CDKN3: variants seen among roughly 807,000 people sequenced by gnomAD.
CDKN3 encodes the protein cyclin-dependent kinase inhibitor 3.
In CDKN3, 19 loss-of-function variants were observed where a neutral mutation model predicts 36.1. The observed-to-expected ratio is 0.53, with a 90% CI of 0.37 to 0.77. The LOEUF is 0.77. CDKN3 is among the 30% of genes least tolerant of loss of function. The pLI is 0.00. For missense variants in CDKN3, 188 were observed against 248.6 expected (o/e 0.76, Z 1.64); for synonymous variants, 71 against 85.3 (o/e 0.83, Z 0.92).
intron 2 of CDKN3, among the ~76,000 whole-genome samples, chr14:54,400,971 A>G (rs1029068731): frequency 1.3e-5 from 2 of 152,258 alleles, no homozygotes; most frequent in Non-Finnish European, 2.9e-5. Context: ...AATGTAGAAT[A>G]AATGCTGGGG....
chr14:54,411,731 T>C, intron 5 of CDKN3, 25 bp downstream of exon 5: 1 of 1,322,960 alleles, frequency 7.6e-7, no homozygotes, highest in East Asian at 2.3e-5. Flanking sequence ...CCATACACTA[T>C]GTGAGAAATG....
At chr14:54,400,131 G>T (rs1313805847) in intron 2 of CDKN3, among the ~76,000 whole-genome samples, 155 bp downstream of exon 2, 1 of 150,250 alleles carries the variant, frequency 6.7e-6, no homozygotes, top group Non-Finnish European at 1.5e-5. Flanking sequence ...ATCATTAAAG[G>T]ATCTTCTAAC....
chr14:54,412,696 G>A (rs534516498), intron 5 of CDKN3: 11 of 331,740 alleles, frequency 3.3e-5, no homozygotes, highest in South Asian at 1.2e-4. Flanking sequence ...TCAAAGGGGC[G>A]ATGTGGATAA....
At chr14:54,419,524 T>C (rs1285020569) in intron 7 of CDKN3, among the ~76,000 whole-genome samples, 4 of 152,236 alleles carry the variant, frequency 2.6e-5, no homozygotes, top group Admixed American at 2.6e-4. Context: ...AAATATTGTC[T>C]ATGAAAATTA....
At chr14:54,408,427 C>A in intron 3 of CDKN3, 1 of 242,766 alleles carries the variant, frequency 4.1e-6, no homozygotes. Flanking sequence ...TCAGCCCTTC[C>A]AGATCTGCAG....
intron 5 of CDKN3, chr14:54,413,562 C>T: frequency 7.4e-7 from 1 of 1,348,190 alleles, no homozygotes; most frequent in Non-Finnish European, 1.0e-6. Flanking sequence ...TTCAGTCTCC[C>T]ATAAAATAAA....
At chr14:54,413,871 T>C in intron 5 of CDKN3, 1 of 1,330,862 alleles carries the variant, frequency 7.5e-7, no homozygotes, top group Non-Finnish European at 9.7e-7. Context: ...ACAAACCAGG[T>C]AGCTGAAAAC....
chr14:54,401,765 A>G (rs1234685301), intron 3 of CDKN3, among the ~76,000 whole-genome samples, 186 bp downstream of exon 3: 1 of 152,136 alleles, frequency 6.6e-6, no homozygotes, highest in African/African-American at 2.4e-5. Context: ...GAAGTCTTTT[A>G]TCCTTCATCC....
rs1460398580 is a variant in CDKN3, at chr14:54,419,978, T to C, written c.553-14T>C. On this transcript the variant is annotated splice_polypyrimidine_tract_variant and intron_variant, in intron 7 of 7. Transcript: ENST00000335183. Reference sequence around the variant, plus strand: ...TTTCTACAGTGTATTCCAATGTATCTTTACTTTTTTCAGCAATACAATTAT... The same window carrying C: ...TTTCTACAGTGTATTCCAATGTATCCTTACTTTTTTCAGCAATACAATTAT... 3.3e-6 allele frequency: 5 copies of C among 1,522,520 alleles called. No homozygotes were observed. The highest frequency in any genetic ancestry group is 1.7e-4 in the Middle Eastern group (1 of 5,748). The allele number at this position is 1,522,520 out of a possible 1,614,324, so 94.3% of individuals were successfully genotyped here. A position where few individuals can be genotyped will look rare whatever the true frequency, so the allele number is the denominator to read the frequency against.
chr14:54,407,378 G>A (rs2030197899), intron 3 of CDKN3, among the ~76,000 whole-genome samples: 1 of 152,234 alleles, frequency 6.6e-6, no homozygotes, highest in Non-Finnish European at 1.5e-5. Flanking sequence ...GCACTGTGCT[G>A]GGAGATCTGT....
chr14:54,410,698 A>G (rs1594605455), intron 4 of CDKN3, among the ~76,000 whole-genome samples: 1 of 152,202 alleles, frequency 6.6e-6, no homozygotes, highest in Non-Finnish European at 1.5e-5. Context: ...GAGATTTTAT[A>G]TACAATACTC....
chr14:54,412,943 C>T (rs1379069727), intron 5 of CDKN3: 2 of 489,664 alleles, frequency 4.1e-6, no homozygotes, highest in Admixed American at 2.1e-5. Flanking sequence ...ATGGGGTTCT[C>T]AGGGCACCTA....
intron 3 of CDKN3, among the ~76,000 whole-genome samples, chr14:54,407,955 G>A (rs2030218799): frequency 6.6e-6 from 1 of 152,210 alleles, no homozygotes; most frequent in Admixed American, 6.5e-5. Flanking sequence ...GCAGACCAGA[G>A]CTGTTCCTAT....
intron 1 of CDKN3, among the ~76,000 whole-genome samples, chr14:54,397,844 A>G (rs1300725407): frequency 6.6e-6 from 1 of 152,210 alleles, no homozygotes; most frequent in Non-Finnish European, 1.5e-5. Context: ...AGAAATCCAT[A>G]GCCTAGGGCC....
Position 54,406,852 on chromosome 14 carries a change from A to G in CDKN3, c.149-1893A>G, listed in dbSNP as rs372445783. On this transcript the variant is annotated intron_variant, in intron 3 of 7. Coordinates refer to ENST00000335183, the MANE Select transcript of CDKN3 (RefSeq NM_005192.4). ...GAAGCCTACTTCTGTCAGTTCATCA[A>G]ACTCATTCTCTGTCCAGTTTTGTTC... Among the ~76,000 whole-genome samples, 15 of 152,104 alleles carry G rather than the reference A, an allele frequency of 9.9e-5. No homozygotes were observed. In the South Asian group the frequency reaches 3.1e-3, roughly 32 times the overall value.
intron 5 of CDKN3, chr14:54,413,950 C>CTCT: frequency 2.1e-6 from 1 of 468,280 alleles, no homozygotes; most frequent in Non-Finnish European, 3.2e-6. Context: ...CAGAGCCATG[C>CTCT]CCTCTGAGAC....
At chr14:54,400,090 G>A in intron 2 of CDKN3, 114 bp downstream of exon 2, 1 of 655,972 alleles carries the variant, frequency 1.5e-6, no homozygotes, top group Non-Finnish European at 2.8e-6. Context: ...AAAATGTTAA[G>A]GGATTATCCC....
chr14:54,405,033 C>A (rs1335715265), intron 3 of CDKN3, among the ~76,000 whole-genome samples: 1 of 152,056 alleles, frequency 6.6e-6, no homozygotes, highest in Admixed American at 6.6e-5. Flanking sequence ...CTAAACACTG[C>A]AGATTCTGGT....
At chr14:54,413,902 C>T (rs2139985171) in intron 5 of CDKN3, 2 of 1,167,344 alleles carry the variant, frequency 1.7e-6, no homozygotes, top group Middle Eastern at 3.2e-4. Context: ...TCTTCTTTCC[C>T]ATTTCTAGAG....
Sources: gnomAD v4.1 joint callset for allele counts (sites outside exome capture counted in the v4.1 genomes callset) on GRCh38, gnomAD v4.1.1 for gene constraint, MANE v1.5 for transcripts, NCBI Gene and HGNC (gene_info 2026-07-23, HGNC 2026-07-21) for gene names.